EPS8: variants seen among roughly 807,000 people sequenced by gnomAD.
EPS8 encodes the protein EGFR pathway substrate 8, signaling adaptor.
Under a neutral mutation model 103.8 loss-of-function variants are expected in EPS8, and 42 were observed. That is an observed-to-expected ratio of 0.40 (90% CI 0.32 to 0.52). The LOEUF (loss-of-function observed/expected upper bound fraction) is 0.52. Ranked by LOEUF, EPS8 falls within the 20% of genes least tolerant of loss-of-function variation. The pLI is 0.40. For missense variants in EPS8, 969 were observed against 1,005.1 expected (o/e 0.96, Z 0.49); for synonymous variants, 344 against 344.6 (o/e 1.00, Z 0.02).
Position 15,779,867 on chromosome 12 carries a change from T to C in EPS8, c.-22+9294A>G, listed in dbSNP as rs1219205442. ...TTCCTAAATAGTATGTTTCAGGTTC[T>C]GTTCAGAAACTATGGCTTAGAATTT... On this transcript the variant is annotated intron_variant, in intron 1 of 20. Transcript: ENST00000281172. The surrounding 1 kb of genome is among the most constrained non-coding windows in gnomAD (Gnocchi z 4.3). Among the ~76,000 whole-genome samples, 2 of 152,240 alleles carry C rather than the reference T, an allele frequency of 1.3e-5. No homozygotes were observed. Among genetic ancestry groups the C allele is most frequent in the East Asian group, 3.8e-4 (2 of 5,202 alleles).
intron 1 of EPS8, among the ~76,000 whole-genome samples, chr12:15,692,739 AT>A (rs200234679): frequency 6.7e-6 from 1 of 150,086 alleles, no homozygotes; most frequent in African/African-American, 2.4e-5. Flanking sequence ...TCATTTTGTA[AT>A]TTTTTTTTCT....
chr12:15,696,850 T>C lies in EPS8; in HGVS notation c.-21-13878A>G, dbSNP rs909394586. On this transcript the variant is annotated intron_variant, in intron 1 of 20. Transcript: ENST00000281172. This position sits in a 1 kb window ranked among gnomAD's most constrained non-coding sequence, Gnocchi z 4.8. ...AACCAAGCAGAAACACACCACTTTA[T>C]AGTGAATTAATAAGTGAAAAAAGGT... 2.6e-5 allele frequency among the ~76,000 whole-genome samples: 4 copies of C among 152,202 alleles called. No homozygotes were observed. Among genetic ancestry groups the C allele is most frequent in the Non-Finnish European group, 2.9e-5 (2 of 68,018 alleles).
At chr12:15,683,075 T>C (rs928551357) in intron 1 of EPS8, 103 bp from the exon 2 acceptor site, 3 of 573,302 alleles carry the variant, frequency 5.2e-6, no homozygotes, top group Non-Finnish European at 8.9e-6. Flanking sequence ...CCAGGAATTA[T>C]AGTAGAAATG....
At position 15,624,377 on chromosome 12, in the gene EPS8, T is replaced by C. The variant is rs769780338; in HGVS notation, c.2075A>G (p.Asp692Gly). 1.9e-6 allele frequency: 3 copies of C among 1,579,070 alleles called. No individual in the cohort carries two copies. Among genetic ancestry groups the C allele is most frequent in the Non-Finnish European group, 2.6e-6 (3 of 1,158,636 alleles). The change falls in exon 19 of 21, where the codon GAT becomes GGT. Residue 692 changes from aspartate (D) to glycine (G), a missense_variant. By Grantham distance (94) the Asp-to-Gly change is moderately conservative. Transcript: ENST00000281172. Reference sequence around the variant, plus strand: ...AATGGTCAGTCTGTGGATGAGTTCATCTTGCACTTCCTCCATCTGAGATTT... The same window carrying C: ...AATGGTCAGTCTGTGGATGAGTTCACCTTGCACTTCCTCCATCTGAGATTT... ...RRKSQMEEVQ[D>G]ELIHRLTIGR...
At chr12:15,744,210 C>T (rs1224075601) in intron 1 of EPS8, among the ~76,000 whole-genome samples, 1 of 152,130 alleles carries the variant, frequency 6.6e-6, no homozygotes, top group African/African-American at 2.4e-5. Context: ...TAAGTCTTAA[C>T]GACTAAGGAA....
intron 1 of EPS8, among the ~76,000 whole-genome samples, chr12:15,758,789 A>C (rs1947013262): frequency 6.6e-6 from 1 of 152,234 alleles, no homozygotes; most frequent in South Asian, 2.1e-4. Context: ...GTTATGTAGG[A>C]GAATGTCCTT....
At chr12:15,625,976 G>T (rs11056586) in intron 18 of EPS8, among the ~76,000 whole-genome samples, 1,666 of 152,280 alleles carry the variant, frequency 0.011, 37 homozygotes, top group African/African-American at 0.038. Flanking sequence ...TAGCTCAAAT[G>T]CATGTCAAAT....
At chr12:15,631,392 T>C (rs1286259468) in intron 18 of EPS8, 50 bp downstream of exon 18, 2 of 1,610,338 alleles carry the variant, frequency 1.2e-6, no homozygotes, top group South Asian at 1.1e-5. Context: ...TTTTACTTAG[T>C]AGTGCTTTTA....
chr12:15,703,893 G>A lies in EPS8; in HGVS notation c.-21-20921C>T, dbSNP rs575245061. The stretch of plus-strand genomic sequence containing the variant: ...TTTGGAAAAACTTAGACTCACCTTT[G>A]TTATTCCCCTAATGTCTCCAAACTC... On this transcript the variant is annotated intron_variant, in intron 1 of 20. Transcript: ENST00000281172. Among the ~76,000 whole-genome samples, 87 of 18,772 alleles carry A rather than the reference G, an allele frequency of 4.6e-3. 2 individuals are homozygous for A. In the South Asian group the frequency reaches 0.11, roughly 23 times the overall value. The allele number at this position is 18,772 out of a possible 152,430, so 12.3% of individuals were successfully genotyped here.
rs911156682 is a variant in EPS8, at chr12:15,731,296, TTTAA to T, written c.-21-48328_-21-48325del. Among the ~76,000 whole-genome samples the T allele has an allele frequency of 6.6e-6, 1 of 152,150 alleles. No individual in the cohort carries two copies. The highest frequency in any genetic ancestry group is 1.5e-5 in the Non-Finnish European group (1 of 68,008). ...AATAAGCCTTCCACCATTAAAAATA[TTTAA>T]TTGACTTTTTTTTTTTTAGATGGAG... On this transcript the variant is annotated intron_variant, in intron 1 of 20. Coordinates refer to ENST00000281172, the MANE Select transcript of EPS8 (RefSeq NM_004447.6). The surrounding 1 kb of genome is among the most constrained non-coding windows in gnomAD (Gnocchi z 5.1).
At position 15,726,274 on chromosome 12, in the gene EPS8, T is replaced by A. The variant is rs1439235619; in HGVS notation, c.-21-43302A>T. ...GGAAAGCAGCAAGAAACAAAAGGGA[T>A]AATTACACTGTCAAGAGTGACAGAG... is the stretch of plus-strand genomic sequence containing the variant. On this transcript the variant is annotated intron_variant, in intron 1 of 20. Coordinates refer to ENST00000281172, the MANE Select transcript of EPS8 (RefSeq NM_004447.6). Among the ~76,000 whole-genome samples the A allele has an allele frequency of 2.0e-5, 3 of 151,900 alleles. No homozygotes were observed. In the East Asian group the frequency reaches 5.8e-4, roughly 29 times the overall value.
intron 1 of EPS8, among the ~76,000 whole-genome samples, chr12:15,729,038 T>C (rs1456793776): frequency 6.6e-6 from 1 of 152,204 alleles, no homozygotes; most frequent in East Asian, 1.9e-4. Context: ...TGATTTTTGT[T>C]TCTGTTTTCC....
rs1395443739 is a variant in EPS8 at position 15,745,348 on chromosome 12, G to A, written c.-22+43813C>T. On this transcript the variant is annotated intron_variant, in intron 1 of 20. Coordinates refer to ENST00000281172, the MANE Select transcript of EPS8 (RefSeq NM_004447.6). This position sits in a 1 kb window ranked among gnomAD's most constrained non-coding sequence, Gnocchi z 4.6. ...TAGCAAGTACATGACGTTTGTGCGGGCCCTCCCCGTTCCCATAAAAAACAT... is the reference window on the plus strand; with the variant it reads ...TAGCAAGTACATGACGTTTGTGCGGACCCTCCCCGTTCCCATAAAAAACAT... Among the ~76,000 whole-genome samples, 8 of 152,086 alleles carry A rather than the reference G, an allele frequency of 5.3e-5. No individual in the cohort carries two copies. Among genetic ancestry groups the A allele is most frequent in the Non-Finnish European group, 1.2e-4 (8 of 68,010 alleles).
intron 13 of EPS8, among the ~76,000 whole-genome samples, chr12:15,652,183 G>T (rs2135789708): frequency 6.6e-6 from 1 of 152,290 alleles, no homozygotes; most frequent in African/African-American, 2.4e-5. Context: ...GATGGAACTG[G>T]AGGTTATTCC....
Position 15,713,156 on chromosome 12 carries a change from G to T in EPS8, c.-21-30184C>A. On this transcript the variant is annotated intron_variant, in intron 1 of 20. Transcript: ENST00000281172. The surrounding 1 kb of genome is among the most constrained non-coding windows in gnomAD (Gnocchi z 4.8). The stretch of plus-strand genomic sequence containing the variant: ...GGTGAAAATAATACTGGCTAGCATT[G>T]ACTGAAAGCTTACTGTGTGGTCTAA... 1 of 200,856 alleles carries T rather than the reference G, an allele frequency of 5.0e-6. No homozygotes were observed. Among genetic ancestry groups the T allele is most frequent in the Non-Finnish European group, 8.9e-6 (1 of 112,834 alleles). The allele number at this position is 200,856 out of a possible 1,614,324, so 12.4% of individuals were successfully genotyped here.
intron 14 of EPS8, among the ~76,000 whole-genome samples, chr12:15,647,565 T>G (rs1945341589): frequency 6.6e-6 from 1 of 152,238 alleles, no homozygotes; most frequent in South Asian, 2.1e-4. Flanking sequence ...TTATACCGGC[T>G]TCTCATTTTT....
intron 1 of EPS8, among the ~76,000 whole-genome samples, chr12:15,786,884 G>A (rs368240201): frequency 1.3e-5 from 2 of 152,210 alleles, no homozygotes; most frequent in African/African-American, 4.8e-5. Flanking sequence ...ACTATAGCCA[G>A]AATACTTTAA....
intron 16 of EPS8, 134 bp from the exon 17 acceptor site, chr12:15,640,980 T>G: frequency 1.4e-6 from 1 of 705,236 alleles, no homozygotes; most frequent in Non-Finnish European, 2.4e-6. Flanking sequence ...GTTGATTGAA[T>G]GATTCTCAGG....
Position 15,751,769 on chromosome 12 carries a change from CCTT to C in EPS8, c.-22+37389_-22+37391del, listed in dbSNP as rs1330533946. On this transcript the variant is annotated intron_variant, in intron 1 of 20. Transcript: ENST00000281172. The surrounding 1 kb of genome is among the most constrained non-coding windows in gnomAD (Gnocchi z 4.3). ...CTATACTTTCCCTCCTCCTTAGTATCCTTCTTACCATACTCTACTTACACCATA... is the reference window on the plus strand; with the variant it reads ...CTATACTTTCCCTCCTCCTTAGTATCCTTACCATACTCTACTTACACCATA... Among the ~76,000 whole-genome samples the C allele has an allele frequency of 6.6e-6, 1 of 152,048 alleles. No homozygotes were observed. Among genetic ancestry groups the C allele is most frequent in the African/African-American group, 2.4e-5 (1 of 41,372 alleles).
Sources: allele counts gnomAD v4.1 joint callset (sites outside exome capture counted in the v4.1 genomes callset), GRCh38; gene constraint gnomAD v4.1.1; non-coding constraint Gnocchi (gnomAD v3.1); transcripts MANE v1.5; gene names NCBI Gene and HGNC (gene_info 2026-07-23, HGNC 2026-07-21).